ARK2N: variants seen among roughly 807,000 people sequenced by gnomAD.
ARK2N encodes the protein arkadia (RNF111) N-terminal like PKA signaling regulator 2N, also known as protein ARK2N.
the ARK2N span, among the ~76,000 whole-genome samples, chr18:46,174,809 AGGGGGTCT>A: frequency 6.6e-6 from 1 of 152,116 alleles, no homozygotes; most frequent in Admixed American, 6.5e-5. Flanking sequence ...CTCCGAGAGT[AGGGGGTCT>A]GGCGCCGACA....
chr18:46,193,843 C>T, the ARK2N span, among the ~76,000 whole-genome samples: 3 of 151,968 alleles, frequency 2.0e-5, no homozygotes, highest in Admixed American at 2.0e-4. Context: ...AAGTGATCTG[C>T]CCACCTTGGC....
the ARK2N span, chr18:46,216,665 T>A: frequency 7.5e-7 from 1 of 1,334,232 alleles, no homozygotes; most frequent in Non-Finnish European, 1.0e-6. This position sits in a 1 kb window ranked among gnomAD's most constrained non-coding sequence, Gnocchi z 4.3. Flanking sequence ...TTCAGTTAGA[T>A]GAGTGACACT....
the ARK2N span, among the ~76,000 whole-genome samples, chr18:46,210,152 C>CT: frequency 6.6e-6 from 1 of 152,136 alleles, no homozygotes; most frequent in South Asian, 2.1e-4. Flanking sequence ...AGGAGAAAGA[C>CT]TGAGTTTGAA....
chr18:46,216,776 G>C, the ARK2N span: 6 of 578,532 alleles, frequency 1.0e-5, no homozygotes, highest in Non-Finnish European at 1.8e-5. The surrounding 1 kb of genome is among the most constrained non-coding windows in gnomAD (Gnocchi z 4.3). Flanking sequence ...GGTTTCCAGT[G>C]AACTTTAGCA....
the ARK2N span, chr18:46,216,272 T>C: frequency 5.0e-6 from 8 of 1,612,810 alleles, no homozygotes; most frequent in African/African-American, 9.4e-5. The surrounding 1 kb of genome is among the most constrained non-coding windows in gnomAD (Gnocchi z 4.3). Flanking sequence ...CCTTCAGGAG[T>C]GTCTGGTGCC....
the ARK2N span, among the ~76,000 whole-genome samples, chr18:46,177,733 G>A: frequency 2.0e-5 from 3 of 151,794 alleles, no homozygotes; most frequent in Non-Finnish European, 4.4e-5. Context: ...GGCCTTGAGA[G>A]CCCATTTCTA....
the ARK2N span, among the ~76,000 whole-genome samples, chr18:46,184,891 A>AT: frequency 2.0e-5 from 3 of 152,254 alleles, no homozygotes; most frequent in Non-Finnish European, 2.9e-5. Flanking sequence ...ACTTAGTTTC[A>AT]TAGTGCCTGA....
the ARK2N span, among the ~76,000 whole-genome samples, chr18:46,215,553 GA>G: frequency 6.6e-6 from 1 of 152,112 alleles, no homozygotes; most frequent in Admixed American, 6.6e-5. Flanking sequence ...TTGTAAACTT[GA>G]AAATGTTCAT....
chr18:46,207,702 C>T, the ARK2N span, among the ~76,000 whole-genome samples: 1 of 152,258 alleles, frequency 6.6e-6, no homozygotes, highest in South Asian at 2.1e-4. Flanking sequence ...ATACTTCTTT[C>T]ACTGCAGGTG....
chr18:46,192,137 T>A, the ARK2N span, among the ~76,000 whole-genome samples: 1 of 152,214 alleles, frequency 6.6e-6, no homozygotes, highest in South Asian at 2.1e-4. Flanking sequence ...TTTTCAGCAT[T>A]TTTGACTGAA....
At chr18:46,176,331 A>C in the ARK2N span, among the ~76,000 whole-genome samples, 88 of 152,328 alleles carry the variant, frequency 5.8e-4, 1 homozygote, top group South Asian at 0.017. Flanking sequence ...ACCTTTGGTA[A>C]ATCATCTTAG....
the ARK2N span, among the ~76,000 whole-genome samples, chr18:46,176,448 G>A: frequency 1.3e-5 from 2 of 150,240 alleles, no homozygotes; most frequent in Non-Finnish European, 3.0e-5. Context: ...AAAAATGTGT[G>A]TGTGTGTGCT....
At chr18:46,226,628 C>G in the ARK2N span, among the ~76,000 whole-genome samples, 4 of 152,076 alleles carry the variant, frequency 2.6e-5, no homozygotes, top group South Asian at 8.3e-4. Flanking sequence ...GAAGGTCTTG[C>G]AACATGATAG....
At chr18:46,175,828 A>C in the ARK2N span, among the ~76,000 whole-genome samples, 51 of 152,000 alleles carry the variant, frequency 3.4e-4, no homozygotes, top group East Asian at 5.8e-4. Flanking sequence ...TGGGAAAAAA[A>C]ATTTTTTCTG....
the ARK2N span, chr18:46,266,016 C>A: frequency 6.6e-6 from 1 of 152,228 alleles, no homozygotes; most frequent in Non-Finnish European, 1.5e-5. Context: ...TGCTGCTCTC[C>A]AGTAATTGTC....
the ARK2N span, chr18:46,263,082 C>T: frequency 6.2e-7 from 1 of 1,613,992 alleles, no homozygotes; most frequent in Non-Finnish European, 8.5e-7. Context: ...TTGACCTTAC[C>T]TTGGATGAGG....
the ARK2N span, among the ~76,000 whole-genome samples, chr18:46,230,088 C>T: frequency 1.3e-5 from 2 of 152,078 alleles, no homozygotes; most frequent in East Asian, 3.9e-4. Flanking sequence ...ACTGGCCCGG[C>T]TAATTTTTGT....
At chr18:46,194,720 A>G in the ARK2N span, among the ~76,000 whole-genome samples, 1 of 149,810 alleles carries the variant, frequency 6.7e-6, no homozygotes, top group Non-Finnish European at 1.5e-5. Flanking sequence ...GTGATCCACC[A>G]GCCTTGGCCT....
the ARK2N span, among the ~76,000 whole-genome samples, chr18:46,224,399 G>A: frequency 6.6e-6 from 1 of 152,162 alleles, no homozygotes; most frequent in Non-Finnish European, 1.5e-5. Flanking sequence ...GATCTTTTGT[G>A]TGATAAGAAT....
Sources: allele counts gnomAD v4.1 joint callset (sites outside exome capture counted in the v4.1 genomes callset), GRCh38; gene constraint gnomAD v4.1.1; non-coding constraint Gnocchi (gnomAD v3.1); transcripts MANE v1.5; gene names NCBI Gene and HGNC (gene_info 2026-07-23, HGNC 2026-07-21).